USP32: variants seen among roughly 807,000 people sequenced by gnomAD.
USP32 encodes the protein ubiquitin specific peptidase 32, also known as ubiquitin carboxyl-terminal hydrolase 32.
In USP32, 59 loss-of-function variants were observed where a neutral mutation model predicts 204.8. That is an observed-to-expected ratio of 0.29 (90% CI 0.23 to 0.36). The LOEUF (loss-of-function observed/expected upper bound fraction) is 0.36. Ranked by LOEUF, USP32 falls within the 10% of genes least tolerant of loss-of-function variation. The probability of loss-of-function intolerance (pLI) is 1.00; values close to 1 mark genes in which losing one functional copy is unlikely to be tolerated. For synonymous variants in USP32, 517 were observed against 678.4 expected, an observed-to-expected ratio of 0.76 and a Z score of 3.70; for missense variants, 1,160 against 1,946.4, an observed-to-expected ratio of 0.60 and a Z score of 7.60.
intron 1 of USP32, among the ~76,000 whole-genome samples, chr17:60,415,709 C>T (rs2090055164): frequency 6.6e-6 from 1 of 152,166 alleles, no homozygotes; most frequent in South Asian, 2.1e-4. Context: ...CCCAGCACTC[C>T]AGCTATGACA....
chr17:60,403,065 G>A (rs2089948503), intron 1 of USP32, among the ~76,000 whole-genome samples: 1 of 152,060 alleles, frequency 6.6e-6, no homozygotes, highest in Non-Finnish European at 1.5e-5. Context: ...AGGCTGGAGT[G>A]CAGTGTCACG....
chr17:60,285,934 C>A (rs1370089737), intron 5 of USP32, among the ~76,000 whole-genome samples: 1 of 151,962 alleles, frequency 6.6e-6, no homozygotes, highest in Non-Finnish European at 1.5e-5. Flanking sequence ...GTCAGGAGTT[C>A]AAGACCAGCC....
intron 1 of USP32, among the ~76,000 whole-genome samples, chr17:60,389,320 T>TC (rs1201905484): frequency 6.6e-6 from 1 of 152,098 alleles, no homozygotes; most frequent in African/African-American, 2.4e-5. Context: ...GGCTGGTGGA[T>TC]CACCTGTGGT....
upstream of USP32, among the ~76,000 whole-genome samples, chr17:60,393,438 G>A (rs1240007695): frequency 6.6e-6 from 1 of 152,214 alleles, no homozygotes; most frequent in Non-Finnish European, 1.5e-5. Context: ...CAAATGGGGT[G>A]TATATGTACA....
chr17:60,291,537 ATGTGTGTGTGTGTGTG>A lies in USP32; in HGVS notation c.412-2871_412-2856del, dbSNP rs58874239. Among the ~76,000 whole-genome samples the A allele has an allele frequency of 9.0e-3, 1,310 of 145,332 alleles. 7 individuals carry two copies. Among genetic ancestry groups the A allele is most frequent in the Middle Eastern group, 0.018 (5 of 280 alleles). ...AAAGTGCTTCTCTCTCTGTGTGTGTATGTGTGTGTGTGTGTGTGTGTGTGTGTGTGTGTGTATAAAC... is the reference window on the plus strand; with the variant it reads ...AAAGTGCTTCTCTCTCTGTGTGTGTATGTGTGTGTGTGTGTGTGTATAAAC... On this transcript the variant is annotated intron_variant, in intron 4 of 33. Transcript: ENST00000300896.
chr17:60,316,579 G>A (rs1458753648), intron 2 of USP32, among the ~76,000 whole-genome samples: 4 of 152,126 alleles, frequency 2.6e-5, no homozygotes, highest in Non-Finnish European at 5.9e-5. Context: ...GGTGGCTCAT[G>A]CCTGTAATCT....
At chr17:60,231,459 C>T (rs1442561469) in intron 12 of USP32, 1 of 446,380 alleles carries the variant, frequency 2.2e-6, no homozygotes, top group African/African-American at 2.0e-5. Context: ...TCAGAGGCTT[C>T]ATTTGTAAAT....
chr17:60,381,029 CA>C (rs2089638233), intron 1 of USP32, among the ~76,000 whole-genome samples: 1 of 152,142 alleles, frequency 6.6e-6, no homozygotes, highest in Non-Finnish European at 1.5e-5. Flanking sequence ...TGTCATGAGA[CA>C]AAATTTACTC....
chr17:60,283,163 T>C (rs901992025), intron 5 of USP32, among the ~76,000 whole-genome samples: 3 of 152,228 alleles, frequency 2.0e-5, no homozygotes, highest in East Asian at 1.9e-4. Flanking sequence ...GGCTGAAAGA[T>C]GAAGTACATT....
At chr17:60,244,291 T>C (rs945102946) in intron 11 of USP32, among the ~76,000 whole-genome samples, 1 of 152,084 alleles carries the variant, frequency 6.6e-6, no homozygotes, top group African/African-American at 2.4e-5. Context: ...GTGCTAGGAT[T>C]ACAGGCATGA....
intron 2 of USP32, among the ~76,000 whole-genome samples, chr17:60,323,461 G>T (rs1216874071): frequency 6.6e-6 from 1 of 152,212 alleles, no homozygotes; most frequent in Non-Finnish European, 1.5e-5. Flanking sequence ...CAAAGGCTGT[G>T]AGAGGAGAGG....
In USP32 at chr17:60,192,909, T is replaced by C. The variant is rs74895156; in HGVS notation, c.3456A>G (p.Gln1152=). The change falls in exon 28 of 34, where the codon CAA becomes CAG. Residue 1152 remains glutamine (Q), a synonymous_variant. Transcript: ENST00000300896. ...AQDCDDSMGY[Q]YPFTLRVVQK... ...GCACAACTCGTAGAGTGAATGGATATTGATAGCCCATACTGTCGTCACTGA... is the reference window on the plus strand; with the variant it reads ...GCACAACTCGTAGAGTGAATGGATACTGATAGCCCATACTGTCGTCACTGA... 4 of 1,613,930 alleles carry C rather than the reference T, an allele frequency of 2.5e-6. No homozygotes were observed. The highest frequency in any genetic ancestry group is 3.4e-6 in the Non-Finnish European group (4 of 1,179,800).
At chr17:60,236,723 T>G (rs1430564116) in intron 11 of USP32, among the ~76,000 whole-genome samples, 1 of 152,238 alleles carries the variant, frequency 6.6e-6, no homozygotes, top group African/African-American at 2.4e-5. Flanking sequence ...CCAAAAAGAC[T>G]GCTGTAGCCA....
intron 16 of USP32, among the ~76,000 whole-genome samples, chr17:60,217,356 G>C (rs529100208): frequency 3.3e-5 from 5 of 152,088 alleles, no homozygotes; most frequent in African/African-American, 1.2e-4. Flanking sequence ...AGTGCATGGC[G>C]CGATCTCGGC....
chr17:60,355,917 A>G (rs1284179567), intron 1 of USP32, among the ~76,000 whole-genome samples: 1 of 138,370 alleles, frequency 7.2e-6, no homozygotes, highest in Non-Finnish European at 1.5e-5. Context: ...AAAAAGCAGT[A>G]TTTGTGGTGT....
chr17:60,364,706 A>G (rs751235730), intron 1 of USP32, among the ~76,000 whole-genome samples: 2 of 152,196 alleles, frequency 1.3e-5, no homozygotes, highest in Non-Finnish European at 2.9e-5. Context: ...ACATTCATGA[A>G]TTTACAATCA....
rs185433022 is a variant in USP32 at position 60,234,345 on chromosome 17, C to A, written c.1239+1793G>T. Among the ~76,000 whole-genome samples the A allele has an allele frequency of 1.7e-3, 264 of 151,386 alleles. 7 individuals carry two copies. In the East Asian group the frequency reaches 0.051, roughly 29 times the overall value. On this transcript the variant is annotated intron_variant, in intron 12 of 33. Transcript: ENST00000300896. ...AGCCAGGATGGTCTCGATCTCCCGA[C>A]CTCGTGATCCGCCCGCCTTGGCCTC... is the stretch of plus-strand genomic sequence containing the variant.
At chr17:60,388,124 A>C (rs2146133327) in intron 1 of USP32, among the ~76,000 whole-genome samples, 1 of 152,306 alleles carries the variant, frequency 6.6e-6, no homozygotes, top group South Asian at 2.1e-4. Flanking sequence ...GACATTTTAA[A>C]ATATGAATCC....
At chr17:60,324,731 G>T (rs1230252505) in intron 2 of USP32, among the ~76,000 whole-genome samples, 6 of 152,176 alleles carry the variant, frequency 3.9e-5, no homozygotes, top group African/African-American at 1.4e-4. Flanking sequence ...GGCCAGGCAT[G>T]GTGGCTCACA....
Sources: gnomAD v4.1 joint callset for allele counts (sites outside exome capture counted in the v4.1 genomes callset) on GRCh38, gnomAD v4.1.1 for gene constraint, MANE v1.5 for transcripts, NCBI Gene and HGNC (gene_info 2026-07-23, HGNC 2026-07-21) for gene names.